SLC1A2: variants seen among roughly 807,000 people sequenced by gnomAD.
SLC1A2 encodes the protein solute carrier family 1 member 2.
SLC1A2 carries 15 observed loss-of-function variants against 48.8 expected under a neutral mutation model. The observed-to-expected ratio is 0.31, with a 90% CI of 0.21 to 0.47. The LOEUF (loss-of-function observed/expected upper bound fraction) is 0.47. Ranked by LOEUF, SLC1A2 falls within the 20% of genes least tolerant of loss-of-function variation. The pLI is 0.99. For missense variants in SLC1A2, 502 were observed against 730.5 expected (o/e 0.69, Z 3.61); for synonymous variants, 279 against 272.6 (o/e 1.02, Z -0.23).
chr11:35,367,359 C>A lies in SLC1A2; in HGVS notation c.18-49843G>T, dbSNP rs11033100. On this transcript the variant is annotated intron_variant, in intron 1 of 10. Transcript: ENST00000278379. ...TTATTCACACTGCAGTTGCTCTCAGCCAGGGTGACCTTGGGGGAAATGCCT... is the reference window on the plus strand; with the variant it reads ...TTATTCACACTGCAGTTGCTCTCAGACAGGGTGACCTTGGGGGAAATGCCT... 5.3e-4 allele frequency among the ~76,000 whole-genome samples: 80 copies of A among 152,122 alleles called. 1 individual carries two copies. Among genetic ancestry groups the A allele is most frequent in the South Asian group, 3.7e-3 (18 of 4,820 alleles).
intron 8 of SLC1A2, among the ~76,000 whole-genome samples, chr11:35,284,719 T>C (rs1850756916): frequency 6.6e-6 from 1 of 152,204 alleles, no homozygotes; most frequent in African/African-American, 2.4e-5. Flanking sequence ...CTTGAGCTGG[T>C]TGAATACCTC....
intron 7 of SLC1A2, among the ~76,000 whole-genome samples, chr11:35,289,854 T>C (rs1387491870): frequency 6.6e-6 from 1 of 152,206 alleles, no homozygotes; most frequent in African/African-American, 2.4e-5. Flanking sequence ...GGAGGATTAT[T>C]TGCAACTTGT....
chr11:35,368,862 G>A (rs1039713627), intron 1 of SLC1A2, among the ~76,000 whole-genome samples: 13 of 152,204 alleles, frequency 8.5e-5, no homozygotes, highest in Non-Finnish European at 2.9e-5. Context: ...AAGCAGATGA[G>A]GACAGAGGTC....
intron 1 of SLC1A2, among the ~76,000 whole-genome samples, chr11:35,369,094 T>C (rs919025305): frequency 6.6e-6 from 1 of 152,178 alleles, no homozygotes. Flanking sequence ...TCATACTACA[T>C]ATGCTGCTTG....
rs1855706152 is a variant in SLC1A2 at position 35,419,198 on chromosome 11, C to G, written c.-232G>C. The stretch of plus-strand genomic sequence containing the variant: ...TCCACGGCGCGCGACCCGCGCTCCC[C>G]TCCGCCCGCGGGGATGGCGCTTGGC... On this transcript the variant is annotated 5_prime_UTR_variant, in exon 1 of 11. Coordinates refer to ENST00000278379, the MANE Select transcript of SLC1A2 (RefSeq NM_004171.4). This position sits in a 1 kb window ranked among gnomAD's most constrained non-coding sequence, Gnocchi z 5.4. The G allele has an allele frequency of 4.5e-6, 2 of 449,138 alleles. No homozygotes were observed. The highest frequency in any genetic ancestry group is 9.5e-5 in the South Asian group (2 of 21,000). The allele number at this position is 449,138 out of a possible 1,614,324, so 27.8% of individuals were successfully genotyped here.
At chr11:35,379,864 G>T (rs1277761114) in intron 1 of SLC1A2, among the ~76,000 whole-genome samples, 1 of 152,144 alleles carries the variant, frequency 6.6e-6, no homozygotes, top group African/African-American at 2.4e-5. Flanking sequence ...ATGTCATCCA[G>T]ACATCCCCAG....
intron 1 of SLC1A2, among the ~76,000 whole-genome samples, chr11:35,343,832 AC>A (rs1350043094): frequency 1.1e-4 from 17 of 152,062 alleles, no homozygotes; most frequent in Non-Finnish European, 2.2e-4. Context: ...TTACACAGAC[AC>A]ACACAGGCAC....
At chr11:35,403,844 A>G (rs1855202552) in intron 1 of SLC1A2, among the ~76,000 whole-genome samples, 1 of 43,366 alleles carries the variant, frequency 2.3e-5, no homozygotes, top group African/African-American at 6.3e-5. Context: ...CAGAAACTAG[A>G]GCCACAGCTG....
intron 4 of SLC1A2, 146 bp downstream of exon 4, chr11:35,312,052 C>CACCT: frequency 1.3e-6 from 1 of 791,526 alleles, no homozygotes; most frequent in Non-Finnish European, 2.0e-6. Flanking sequence ...TGCCCTAAAC[C>CACCT]ACCTCATAGA....
intron 1 of SLC1A2, among the ~76,000 whole-genome samples, chr11:35,383,511 G>A (rs1340737649): frequency 6.6e-6 from 1 of 152,156 alleles, no homozygotes; most frequent in Admixed American, 6.5e-5. Flanking sequence ...TTTGGATTCT[G>A]GTTCTGCTCC....
intron 1 of SLC1A2, among the ~76,000 whole-genome samples, chr11:35,379,194 A>G (rs909561771): frequency 2.0e-5 from 3 of 152,058 alleles, no homozygotes; most frequent in Non-Finnish European, 4.4e-5. Context: ...ATGCCATTGC[A>G]CTCTAGCCTG....
chr11:35,301,069 A>C lies in SLC1A2; in HGVS notation c.857+450T>G, dbSNP rs77604204. Among the ~76,000 whole-genome samples the C allele has an allele frequency of 1.0e-2, 1,515 of 152,256 alleles. 30 individuals are homozygous for C. Among genetic ancestry groups the C allele is most frequent in the East Asian group, 0.097 (501 of 5,180 alleles). On this transcript the variant is annotated intron_variant, in intron 6 of 10. Transcript: ENST00000278379. ...AAAATTCAAATAAAAATAAATAAAT[A>C]TCTTTCTAACTGTGGATACAATGAG...
rs777650254 is a variant in SLC1A2 at position 35,315,161 on chromosome 11, C to T, written c.172G>A (p.Ala58Thr). ...TLTVFGVILG[A>T]VCGGLLRLAS... ...AAGCGAAGAAGCCCTCCACACACTG[C>T]TCCCAGGATGACACCTAAAAGGAAG... Residue 58 changes from alanine to threonine, a missense_variant, in exon 3 of 11, where the codon GCA becomes ACA. Around this residue, in one of 4 missense-constraint regions of SLC1A2, gnomAD observed 89 missense variants for 119.7 expected, o/e 0.74. Coordinates refer to ENST00000278379, the MANE Select transcript of SLC1A2 (RefSeq NM_004171.4). 11 of 1,613,622 alleles carry T rather than the reference C, an allele frequency of 6.8e-6. No individual in the cohort carries two copies. Among genetic ancestry groups the T allele is most frequent in the Admixed American group, 1.7e-5 (1 of 59,988 alleles).
At chr11:35,405,899 C>A (rs573354862) in intron 1 of SLC1A2, among the ~76,000 whole-genome samples, 17 of 152,316 alleles carry the variant, frequency 1.1e-4, no homozygotes, top group Non-Finnish European at 2.4e-4. Context: ...GTTTTCTCAA[C>A]CTTGGATCTG....
At chr11:35,318,267 A>G (rs867026668) in intron 1 of SLC1A2, among the ~76,000 whole-genome samples, 37 of 152,294 alleles carry the variant, frequency 2.4e-4, no homozygotes, top group Middle Eastern at 3.4e-3. Context: ...GAGTCTGCCC[A>G]AAGGAGCCCT....
chr11:35,314,815 A>G (rs1250621395), intron 3 of SLC1A2, among the ~76,000 whole-genome samples: 1 of 144,348 alleles, frequency 6.9e-6, no homozygotes, highest in Admixed American at 7.0e-5. Context: ...TTTGCTGGAG[A>G]GAAAGACAAA....
chr11:35,293,395 C>A (rs1217736361), intron 6 of SLC1A2, among the ~76,000 whole-genome samples: 1 of 152,146 alleles, frequency 6.6e-6, no homozygotes, highest in Non-Finnish European at 1.5e-5. Flanking sequence ...TTGTCGTATA[C>A]CAATTTATCT....
At chr11:35,364,456 G>GTAGCTA (rs1853778873) in intron 1 of SLC1A2, among the ~76,000 whole-genome samples, 1 of 152,236 alleles carries the variant, frequency 6.6e-6, no homozygotes, top group Non-Finnish European at 1.5e-5. Context: ...TTACCCAGTA[G>GTAGCTA]TAGCTACACT....
rs75219328 is a variant in SLC1A2 at position 35,267,545 on chromosome 11, C to T, written c.1422-1787G>A. 8.8e-3 allele frequency among the ~76,000 whole-genome samples: 1,340 copies of T among 152,148 alleles called. 15 individuals carry two copies. The highest frequency in any genetic ancestry group is 0.031 in the African/African-American group (1,283 of 41,488). ...TTCTAGGTAGATCATCCAAATATGG[C>T]TAGTTAAGCTACTATCTCCCCCTGA... is the stretch of plus-strand genomic sequence containing the variant. On this transcript the variant is annotated intron_variant, in intron 9 of 10. Transcript: ENST00000278379.
Sources: allele counts gnomAD v4.1 joint callset (sites outside exome capture counted in the v4.1 genomes callset), GRCh38; gene constraint gnomAD v4.1.1; regional missense constraint gnomAD v4.1.1; non-coding constraint Gnocchi (gnomAD v3.1); transcripts MANE v1.5; gene names NCBI Gene and HGNC (gene_info 2026-07-23, HGNC 2026-07-21).